Variants in PITPNC1 observed in about 807,000 individuals in gnomAD.
PITPNC1 encodes phosphatidylinositol transfer protein cytoplasmic 1, also known as cytoplasmic phosphatidylinositol transfer protein 1.
Under a neutral mutation model 44.7 loss-of-function variants are expected in PITPNC1, and 18 were observed. The ratio of observed to expected loss-of-function variants is 0.40; its 90% CI spans 0.28 to 0.60. The LOEUF is 0.60. Ranked by LOEUF, PITPNC1 falls within the 20% of genes least tolerant of loss-of-function variation. The probability of loss-of-function intolerance (pLI) is 0.39; values close to 1 mark genes in which losing one functional copy is unlikely to be tolerated. For synonymous variants in PITPNC1, 141 were observed against 149.6 expected, an observed-to-expected ratio of 0.94 and a Z score of 0.42; for missense variants, 290 against 418.4, an observed-to-expected ratio of 0.69 and a Z score of 2.68.
intron 1 of PITPNC1, among the ~76,000 whole-genome samples, chr17:67,495,037 G>GTTTTTTTTTTTTTTTTTTT (rs2039925221): frequency 1.3e-5 from 1 of 79,376 alleles, no homozygotes; most frequent in Non-Finnish European, 2.4e-5. Flanking sequence ...GAGCCATGGA[G>GTTTTTTTTTTTTTTTTTTT]TTGTTTTTTT....
intron 1 of PITPNC1, among the ~76,000 whole-genome samples, chr17:67,512,500 C>CAAAAAAA (rs1006177232): frequency 1.7e-5 from 1 of 59,684 alleles, no homozygotes. Flanking sequence ...GACTGTGTCT[C>CAAAAAAA]AAAAAAAAAA....
At chr17:67,524,490 AT>A (rs1374413846) in intron 1 of PITPNC1, 2 of 152,136 alleles carry the variant, frequency 1.3e-5, no homozygotes, top group African/African-American at 4.8e-5. Flanking sequence ...AGTGAAGTTA[AT>A]TTTAAAAATA....
intron 5 of PITPNC1, among the ~76,000 whole-genome samples, chr17:67,618,919 C>G (rs1452834728): frequency 1.3e-5 from 2 of 151,850 alleles, no homozygotes; most frequent in African/African-American, 4.8e-5. Flanking sequence ...AGTAGCCGGG[C>G]ATGGTGGCAG....
intron 1 of PITPNC1, among the ~76,000 whole-genome samples, chr17:67,415,713 A>C (rs1005488612): frequency 6.6e-6 from 1 of 151,850 alleles, no homozygotes; most frequent in African/African-American, 2.4e-5. Context: ...AAAATGTTAC[A>C]TTTTTTTTGG....
At chr17:67,457,921 T>G (rs1289206197) in intron 1 of PITPNC1, 12 of 152,246 alleles carry the variant, frequency 7.9e-5, no homozygotes, top group Admixed American at 6.5e-4. Context: ...GGAAGCATAG[T>G]TGACTGAGCC....
intron 1 of PITPNC1, among the ~76,000 whole-genome samples, chr17:67,396,443 C>T (rs2038221840): frequency 6.6e-6 from 1 of 151,960 alleles, no homozygotes; most frequent in Non-Finnish European, 1.5e-5. Flanking sequence ...GTGATCTCAG[C>T]TCACTGCAAC....
intron 8 of PITPNC1, among the ~76,000 whole-genome samples, chr17:67,686,456 A>G (rs1483795146): frequency 6.6e-6 from 1 of 152,000 alleles, no homozygotes; most frequent in Non-Finnish European, 1.5e-5. Flanking sequence ...AGTGCCAGCC[A>G]TCTTCAAGCT....
chr17:67,564,623 C>A (rs2040950314), intron 4 of PITPNC1, among the ~76,000 whole-genome samples: 1 of 152,156 alleles, frequency 6.6e-6, no homozygotes, highest in Non-Finnish European at 1.5e-5. Flanking sequence ...ATTCCTTAAT[C>A]TAGTCAAGTT....
chr17:67,545,939 G>A (rs1021320266), intron 2 of PITPNC1, among the ~76,000 whole-genome samples: 22 of 152,000 alleles, frequency 1.4e-4, no homozygotes, highest in Non-Finnish European at 8.8e-5. Context: ...GCCAGGTGCG[G>A]TGGCTCACCC....
In PITPNC1 at chr17:67,658,932, C is replaced by A. The variant is rs889988283; in HGVS notation, c.463-10576C>A. ...TACGTGCAACTATCAGAGGTAAACA[C>A]CCATCATTTACCTCTGTTGGGAGGA... On this transcript the variant is annotated intron_variant, in intron 6 of 8. Transcript: ENST00000581322. Among the ~76,000 whole-genome samples the A allele has an allele frequency of 4.6e-5, 7 of 152,138 alleles. No homozygotes were observed. The East Asian group carries it at 1.2e-3, about 25-fold the overall frequency.
intron 1 of PITPNC1, among the ~76,000 whole-genome samples, chr17:67,495,171 C>G (rs1358018490): frequency 6.7e-6 from 1 of 150,112 alleles, no homozygotes; most frequent in East Asian, 2.0e-4. Flanking sequence ...ATTCTCCTGC[C>G]TCAGCCTCCC....
intron 1 of PITPNC1, among the ~76,000 whole-genome samples, chr17:67,521,123 G>C (rs1003428387): frequency 1.5e-5 from 1 of 68,516 alleles, no homozygotes; most frequent in South Asian, 4.5e-4. Flanking sequence ...GCACAGTTTT[G>C]CAGCAACAGC....
chr17:67,681,351 A>T lies in PITPNC1; in HGVS notation c.682+5809A>T, dbSNP rs187373793. ...AATTTGGCCAGGTGTGGTTGTTCATACCTGTAATCCCAGCACTTTGGGAGG... is the reference window on the plus strand; with the variant it reads ...AATTTGGCCAGGTGTGGTTGTTCATTCCTGTAATCCCAGCACTTTGGGAGG... On this transcript the variant is annotated intron_variant, in intron 8 of 8. Transcript: ENST00000581322. Among the ~76,000 whole-genome samples the T allele has an allele frequency of 3.3e-3, 503 of 152,208 alleles. 4 individuals are homozygous for T. Among genetic ancestry groups the T allele is most frequent in the African/African-American group, 0.011 (474 of 41,538 alleles).
intron 5 of PITPNC1, among the ~76,000 whole-genome samples, chr17:67,615,371 CA>C (rs2041744197): frequency 6.6e-6 from 1 of 152,216 alleles, no homozygotes; most frequent in South Asian, 2.1e-4. Flanking sequence ...GAAGGAGACA[CA>C]AGCCCCTAAG....
intron 6 of PITPNC1, among the ~76,000 whole-genome samples, chr17:67,659,609 G>A (rs1035381608): frequency 1.3e-5 from 2 of 152,158 alleles, no homozygotes; most frequent in East Asian, 3.8e-4. Context: ...TCAAGGGGTG[G>A]GGAAATGGTG....
At chr17:67,386,792 G>A (rs1369439879) in intron 1 of PITPNC1, among the ~76,000 whole-genome samples, 1 of 152,080 alleles carries the variant, frequency 6.6e-6, no homozygotes, top group Non-Finnish European at 1.5e-5. Flanking sequence ...CTGAAAACTA[G>A]GTAACACTTT....
At chr17:67,548,590 CAAAT>C (rs1270222888) in intron 2 of PITPNC1, among the ~76,000 whole-genome samples, 3 of 151,890 alleles carry the variant, frequency 2.0e-5, no homozygotes, top group South Asian at 2.1e-4. Context: ...GCCTCTGTCT[CAAAT>C]AAATAAATAA....
At chr17:67,397,950 G>T (rs2038244606) in intron 1 of PITPNC1, among the ~76,000 whole-genome samples, 2 of 152,080 alleles carry the variant, frequency 1.3e-5, no homozygotes. Flanking sequence ...ACAATTAGCC[G>T]GGCGTGGTGG....
At chr17:67,459,060 G>A (rs974935819) in intron 1 of PITPNC1, among the ~76,000 whole-genome samples, 1 of 149,956 alleles carries the variant, frequency 6.7e-6, no homozygotes, top group African/African-American at 2.5e-5. Context: ...TTTTCACTGG[G>A]AAGTATTTCT....
Sources: gnomAD v4.1 joint callset for allele counts (sites outside exome capture counted in the v4.1 genomes callset) on GRCh38, gnomAD v4.1.1 for gene constraint, MANE v1.5 for transcripts, NCBI Gene and HGNC (gene_info 2026-07-23, HGNC 2026-07-21) for gene names.